The following VCL variants were observed in gnomAD, a reference collection of about 807,000 sequenced individuals.
VCL encodes the protein epididymis luminal protein 114.
VCL carries 47 observed loss-of-function variants against 125.7 expected under a neutral mutation model. That is an observed-to-expected ratio of 0.37 (90% CI 0.30 to 0.48). The LOEUF is 0.48. Ranked by LOEUF, VCL falls within the 20% of genes least tolerant of loss-of-function variation. VCL has a pLI of 0.99. For missense variants in VCL, 1,069 were observed against 1,455.5 expected (o/e 0.73, Z 4.32); for synonymous variants, 458 against 514.6 (o/e 0.89, Z 1.49).
At position 74,006,269 on chromosome 10, in the gene VCL, C is replaced by T. The variant is rs140529968; in HGVS notation, c.168+7894C>T. On this transcript the variant is annotated intron_variant, in intron 1 of 21. Coordinates refer to ENST00000211998, the MANE Select transcript of VCL (RefSeq NM_014000.3). ...AACTCAAGGATATGCAGGGCTATAG[C>T]TATGTTTAAATTTTAATGGAACCAC... 2.5e-3 allele frequency among the ~76,000 whole-genome samples: 377 copies of T among 152,218 alleles called. 3 individuals carry two copies. The highest frequency in any genetic ancestry group is 8.7e-3 in the African/African-American group (363 of 41,530).
intron 6 of VCL, among the ~76,000 whole-genome samples, chr10:74,078,541 A>T (rs1278166359): frequency 6.6e-6 from 1 of 152,190 alleles, no homozygotes; most frequent in Admixed American, 6.5e-5. Flanking sequence ...GGCATTTATG[A>T]TATTTTATCT....
intron 1 of VCL, among the ~76,000 whole-genome samples, chr10:74,017,483 T>G (rs1369228439): frequency 2.6e-5 from 4 of 152,124 alleles, no homozygotes; most frequent in African/African-American, 9.7e-5. Context: ...CATCATATGT[T>G]TAATATCTTA....
Position 74,084,589 on chromosome 10 carries a change from A to T in VCL, c.1022+1076A>T, listed in dbSNP as rs1591697228. Among the ~76,000 whole-genome samples the T allele has an allele frequency of 2.7e-5, 4 of 150,828 alleles. No homozygotes were observed. The Middle Eastern group carries it at 0.01, about 393-fold the overall frequency. ...GGCGTGAGCCACCATGACCTGCCAA[A>T]TTTTTTCTTTTTCTTTTTCTTTTTC... On this transcript the variant is annotated intron_variant, in intron 8 of 21. Transcript: ENST00000211998.
At chr10:74,008,544 C>T (rs911332521) in intron 1 of VCL, among the ~76,000 whole-genome samples, 7 of 152,188 alleles carry the variant, frequency 4.6e-5, no homozygotes, top group Non-Finnish European at 8.8e-5. Context: ...ACAATGTAGT[C>T]TCATACTATG....
Position 73,998,176 on chromosome 10 carries a change from G to T in VCL, c.-32G>T, listed in dbSNP as rs1840150535. The stretch of plus-strand genomic sequence containing the variant: ...GCCCCGTGGATCCTACTTCTCTGTC[G>T]CCCGCGGTTCGCCGCCCCGCTCGCC... On this transcript the variant is annotated 5_prime_UTR_variant, in exon 1 of 22. Coordinates refer to ENST00000211998, the MANE Select transcript of VCL (RefSeq NM_014000.3). 6 of 1,607,104 alleles carry T rather than the reference G, an allele frequency of 3.7e-6. No homozygotes were observed. Among genetic ancestry groups the T allele is most frequent in the Non-Finnish European group, 5.1e-6 (6 of 1,177,024 alleles).
chr10:74,018,669 ACG>A (rs1840606026), intron 1 of VCL, among the ~76,000 whole-genome samples: 19 of 152,184 alleles, frequency 1.2e-4, no homozygotes, highest in Admixed American at 1.2e-3. Context: ...AGGGACTCAG[ACG>A]ACATAAATCA....
rs1840384364 is a variant in VCL at position 74,119,991 on chromosome 10, C to T, written c.*1822C>T. On this transcript the variant is annotated 3_prime_UTR_variant, in exon 22 of 22. Transcript: ENST00000211998. ...TGTGCTTTTCTCCAATATCAGTGCT[C>T]GAGACACAGTGAAGCAAATTAAAAA... 3 of 134,624 alleles carry T rather than the reference C, an allele frequency of 2.2e-5. No individual in the cohort carries two copies. In the Admixed American group the frequency reaches 2.5e-4, roughly 11 times the overall value. The allele number at this position is 134,624 out of a possible 1,614,324, so 8.3% of individuals were successfully genotyped here.
chr10:74,024,328 C>T (rs979523422), intron 1 of VCL, among the ~76,000 whole-genome samples: 11 of 151,972 alleles, frequency 7.2e-5, no homozygotes, highest in Admixed American at 3.9e-4. Context: ...GACTTTTTGC[C>T]GGCTGGGCGC....
chr10:73,999,135 G>A (rs748341305), intron 1 of VCL, among the ~76,000 whole-genome samples: 1 of 152,164 alleles, frequency 6.6e-6, no homozygotes, highest in Non-Finnish European at 1.5e-5. Flanking sequence ...ATTTTCACCT[G>A]GCGTTACCTG....
intron 6 of VCL, among the ~76,000 whole-genome samples, chr10:74,078,138 TA>T (rs977003209): frequency 4.7e-4 from 72 of 151,844 alleles, no homozygotes; most frequent in African/African-American, 1.7e-3. Flanking sequence ...GATAAAAAAT[TA>T]AAAAAAAATT....
intron 1 of VCL, among the ~76,000 whole-genome samples, chr10:74,038,989 G>A (rs1469941007): frequency 1.3e-5 from 2 of 151,968 alleles, no homozygotes; most frequent in Admixed American, 1.3e-4. Context: ...TTGGCTCACT[G>A]CAACCTCCGC....
At chr10:74,046,435 A>G (rs1289181112) in intron 2 of VCL, among the ~76,000 whole-genome samples, 2 of 152,092 alleles carry the variant, frequency 1.3e-5, no homozygotes, top group African/African-American at 4.8e-5. Flanking sequence ...TGTAGAGGTA[A>G]GGTCTCCCTG....
At chr10:74,064,614 C>T (rs1841536058) in intron 2 of VCL, among the ~76,000 whole-genome samples, 1 of 152,082 alleles carries the variant, frequency 6.6e-6, no homozygotes, top group Non-Finnish European at 1.5e-5. Context: ...TGCTCTGTTA[C>T]CCAGGCTCGT....
intron 8 of VCL, among the ~76,000 whole-genome samples, chr10:74,085,772 A>G (rs1839760483): frequency 6.6e-6 from 1 of 152,184 alleles, no homozygotes; most frequent in Non-Finnish European, 1.5e-5. Context: ...GGGCTCAGAA[A>G]CACTCCTCTA....
intron 1 of VCL, among the ~76,000 whole-genome samples, chr10:74,026,612 C>A (rs529112443): frequency 1.3e-5 from 2 of 152,200 alleles, no homozygotes; most frequent in East Asian, 1.9e-4. Context: ...GAAAAAGGGA[C>A]TAATGTTTAT....
chr10:74,102,163 C>G (rs1840068385), intron 14 of VCL, among the ~76,000 whole-genome samples: 1 of 151,754 alleles, frequency 6.6e-6, no homozygotes, highest in Admixed American at 6.6e-5. Context: ...CTGCGGCCGG[C>G]TTGGATAATC....
At chr10:74,013,850 A>G (rs796125385) in intron 1 of VCL, among the ~76,000 whole-genome samples, 4 of 152,304 alleles carry the variant, frequency 2.6e-5, no homozygotes, top group African/African-American at 9.6e-5. Context: ...ATATTTTCCC[A>G]TGATTTTAAG....
At chr10:74,002,114 T>G (rs944033793) in intron 1 of VCL, among the ~76,000 whole-genome samples, 11 of 152,190 alleles carry the variant, frequency 7.2e-5, no homozygotes, top group African/African-American at 2.7e-4. Flanking sequence ...ACAATCAGTA[T>G]GATACTGAAT....
chr10:74,098,978 A>C (rs746693917), intron 13 of VCL, among the ~76,000 whole-genome samples: 5 of 152,154 alleles, frequency 3.3e-5, no homozygotes, highest in Non-Finnish European at 7.3e-5. Flanking sequence ...GTTCATACAA[A>C]TAAACAACTA....
Sources: allele counts gnomAD v4.1 joint callset (sites outside exome capture counted in the v4.1 genomes callset), GRCh38; gene constraint gnomAD v4.1.1; transcripts MANE v1.5; gene names NCBI Gene and HGNC (gene_info 2026-07-23, HGNC 2026-07-21).